THRB: variants seen among roughly 807,000 people sequenced by gnomAD.
The protein encoded by THRB is nuclear receptor subfamily 1 group A member 2.
In THRB, 12 loss-of-function variants were observed where a neutral mutation model predicts 47.8. The ratio of observed to expected loss-of-function variants is 0.25; its 90% confidence interval spans 0.16 to 0.41. The LOEUF (loss-of-function observed/expected upper bound fraction) is 0.41. Ranked by LOEUF, THRB falls within the 10% of genes least tolerant of loss-of-function variation. THRB has a pLI of 1.00. For missense variants in THRB, 348 were observed against 589.2 expected, an observed-to-expected ratio of 0.59 and a Z score of 4.24; for synonymous variants, 218 against 212.2, an observed-to-expected ratio of 1.03 and a Z score of -0.24.
intron 2 of THRB, among the ~76,000 whole-genome samples, chr3:24,301,553 A>C (rs1240213533): frequency 1.3e-5 from 2 of 151,826 alleles, no homozygotes; most frequent in Non-Finnish European, 1.5e-5. Context: ...AAAAAATTAC[A>C]TGGTACAGTA....
At chr3:24,454,112 A>G (rs1362131833) in intron 1 of THRB, among the ~76,000 whole-genome samples, 1 of 152,234 alleles carries the variant, frequency 6.6e-6, no homozygotes, top group Non-Finnish European at 1.5e-5. Context: ...CAAAAAACTC[A>G]ATAGTAAAAA....
intron 5 of THRB, among the ~76,000 whole-genome samples, chr3:24,177,334 C>G (rs2041293612): frequency 6.6e-6 from 1 of 152,180 alleles, no homozygotes; most frequent in Non-Finnish European, 1.5e-5. Flanking sequence ...AGTTACTGCT[C>G]ATTGCAAGCC....
At chr3:24,484,697 C>T (rs1472847134) in intron 1 of THRB, among the ~76,000 whole-genome samples, 1 of 152,142 alleles carries the variant, frequency 6.6e-6, no homozygotes, top group Non-Finnish European at 1.5e-5. Flanking sequence ...CATTTGTTCA[C>T]ATATTGTGTA....
chr3:24,291,175 T>G (rs2055883542), intron 3 of THRB, among the ~76,000 whole-genome samples: 1 of 152,196 alleles, frequency 6.6e-6, no homozygotes, highest in Non-Finnish European at 1.5e-5. Context: ...GAAGCCAAGT[T>G]GTACTTGAAA....
At chr3:24,487,095 C>A (rs901077968) in intron 1 of THRB, among the ~76,000 whole-genome samples, 5 of 152,090 alleles carry the variant, frequency 3.3e-5, no homozygotes, top group Non-Finnish European at 7.4e-5. Context: ...TGCATTCTTG[C>A]AAAACACTTC....
At chr3:24,488,529 G>C (rs1292825038) in intron 1 of THRB, among the ~76,000 whole-genome samples, 3 of 151,594 alleles carry the variant, frequency 2.0e-5, no homozygotes, top group African/African-American at 7.3e-5. Context: ...TTTCTTCACT[G>C]TGATGAGTTG....
At chr3:24,361,322 C>T (rs1370767641) in intron 1 of THRB, among the ~76,000 whole-genome samples, 1 of 152,098 alleles carries the variant, frequency 6.6e-6, no homozygotes, top group Non-Finnish European at 1.5e-5. Flanking sequence ...ATTGCATAAC[C>T]ATCTAGCTTA....
At chr3:24,286,460 G>T (rs1343454885) in intron 3 of THRB, among the ~76,000 whole-genome samples, 1 of 152,152 alleles carries the variant, frequency 6.6e-6, no homozygotes, top group Non-Finnish European at 1.5e-5. Flanking sequence ...TGGCTAAGAG[G>T]CAAGAGAGGA....
chr3:24,205,524 C>T (rs557522171), intron 4 of THRB, among the ~76,000 whole-genome samples: 1 of 152,328 alleles, frequency 6.6e-6, no homozygotes, highest in African/African-American at 2.4e-5. Context: ...AAGGAACAAC[C>T]AGTAGCAGCC....
chr3:24,129,027 T>A (rs2033398929), intron 9 of THRB, among the ~76,000 whole-genome samples: 1 of 152,130 alleles, frequency 6.6e-6, no homozygotes, highest in Non-Finnish European at 1.5e-5. Context: ...TAGGTTATTA[T>A]ATAAAAGTAA....
At chr3:24,292,452 G>A (rs2056024236) in intron 3 of THRB, among the ~76,000 whole-genome samples, 1 of 152,130 alleles carries the variant, frequency 6.6e-6, no homozygotes, top group Non-Finnish European at 1.5e-5. Flanking sequence ...TTTAGATGGT[G>A]GCAAGGCTCT....
At chr3:24,313,143 A>G (rs970536342) in intron 2 of THRB, among the ~76,000 whole-genome samples, 8 of 152,132 alleles carry the variant, frequency 5.3e-5, no homozygotes, top group African/African-American at 1.7e-4. Flanking sequence ...AGATGGGAAG[A>G]CAGCAACTCC....
Position 24,122,177 on chromosome 3 carries a change from T to G in THRB, c.*707A>C, listed in dbSNP as rs1310220292. 1 of 152,982 alleles carries G rather than the reference T, an allele frequency of 6.5e-6. No individual in the cohort carries two copies. Among genetic ancestry groups the G allele is most frequent in the Non-Finnish European group, 1.5e-5 (1 of 68,302 alleles). 9.5% of individuals were successfully genotyped at this position (152,982 alleles called of 1,614,324 possible). A position where few individuals can be genotyped will look rare whatever the true frequency, so the allele number is the denominator to read the frequency against. The stretch of plus-strand genomic sequence containing the variant: ...CACTGACATTGGTGAAGATTTCTAA[T>G]TTCTCTGGGCTCACTGAAAAAAAAT... On this transcript the variant is annotated 3_prime_UTR_variant, in exon 11 of 11. Coordinates refer to ENST00000646209, the MANE Select transcript of THRB (RefSeq NM_001354712.2).
At chr3:24,403,058 T>C (rs935477250) in intron 1 of THRB, among the ~76,000 whole-genome samples, 3 of 152,008 alleles carry the variant, frequency 2.0e-5, no homozygotes, top group African/African-American at 7.2e-5. Context: ...TTCATACATT[T>C]GTCACACAGC....
Position 24,120,935 on chromosome 3 carries a change from A to T in THRB, c.*1949T>A, listed in dbSNP as rs1322788424. The T allele has an allele frequency of 6.6e-6, 1 of 152,198 alleles. No homozygotes were observed. The highest frequency in any genetic ancestry group is 2.1e-4 in the South Asian group (1 of 4,832). The allele number at this position is 152,198 out of a possible 1,614,324, so 9.4% of individuals were successfully genotyped here. ...AATATTTAATTCCCCGCTCCCAGAT[A>T]ATTTCCAATCATACTTGGAATTTTC... On this transcript the variant is annotated 3_prime_UTR_variant, in exon 11 of 11. Transcript: ENST00000646209.
chr3:24,338,900 C>A (rs2062439489), intron 1 of THRB, among the ~76,000 whole-genome samples: 1 of 152,208 alleles, frequency 6.6e-6, no homozygotes, highest in South Asian at 2.1e-4. Context: ...CATAAACCTT[C>A]AAGTCCAAAA....
At chr3:24,200,457 G>A (rs1430277381) in intron 4 of THRB, among the ~76,000 whole-genome samples, 1 of 152,154 alleles carries the variant, frequency 6.6e-6, no homozygotes, top group African/African-American at 2.4e-5. Flanking sequence ...TGGGTAATTA[G>A]ATCAATGGTA....
At chr3:24,132,864 T>C (rs914795419) in intron 9 of THRB, among the ~76,000 whole-genome samples, 21 of 152,368 alleles carry the variant, frequency 1.4e-4, no homozygotes, top group African/African-American at 4.8e-4. Context: ...AATACAGACC[T>C]AGGCTCTAAC....
chr3:24,206,691 C>A (rs1248545487), intron 4 of THRB, among the ~76,000 whole-genome samples: 1 of 152,046 alleles, frequency 6.6e-6, no homozygotes. Context: ...AAAAACCCTT[C>A]AAAAAATCAA....
Sources: gnomAD v4.1 joint callset for allele counts (sites outside exome capture counted in the v4.1 genomes callset) on GRCh38, gnomAD v4.1.1 for gene constraint, MANE v1.5 for transcripts, NCBI Gene and HGNC (gene_info 2026-07-23, HGNC 2026-07-21) for gene names.